The following ARL15 variants were observed in gnomAD, a reference collection of about 807,000 sequenced individuals.
The protein encoded by ARL15 is ARF like GTPase 15.
A neutral mutation model predicts 25.2 loss-of-function variants in ARL15; 19 were observed. The ratio of observed to expected loss-of-function variants is 0.75; its 90% CI spans 0.53 to 1.10. The LOEUF is 1.10. Among genes scored for constraint, ARL15 ranks in the 50% least tolerant of loss-of-function variants. ARL15 has a pLI of 0.00. For missense variants in ARL15, 220 were observed against 246.0 expected, an observed-to-expected ratio of 0.89 and a Z score of 0.71; for synonymous variants, 94 against 86.8, an observed-to-expected ratio of 1.08 and a Z score of -0.46.
At chr5:54,310,104 G>T (rs1758856119) in intron 1 of ARL15, among the ~76,000 whole-genome samples, 1 of 152,204 alleles carries the variant, frequency 6.6e-6, no homozygotes, top group Non-Finnish European at 1.5e-5. Flanking sequence ...AGTCCTCTGC[G>T]GAGAGCGCAG....
In ARL15 at chr5:54,053,146, T is replaced by C. The variant is rs148457167; in HGVS notation, c.462+60056A>G. Among the ~76,000 whole-genome samples, 64 of 152,160 alleles carry C rather than the reference T, an allele frequency of 4.2e-4. 1 individual carries two copies. The East Asian group carries it at 0.011, about 27-fold the overall frequency. ...CACACCTGTAATCCTAGCTACTTGG[T>C]AGGCTGAGGCAGAAGGATCCCTGGG... On this transcript the variant is annotated intron_variant, in intron 4 of 4. Coordinates refer to ENST00000504924, the MANE Select transcript of ARL15 (RefSeq NM_019087.3).
intron 4 of ARL15, among the ~76,000 whole-genome samples, chr5:54,003,718 CTA>C (rs1748928143): frequency 6.8e-6 from 1 of 147,374 alleles, no homozygotes; most frequent in African/African-American, 2.5e-5. Flanking sequence ...CTATCTATCT[CTA>C]CTTTGGCCTG....
At chr5:53,989,390 G>A (rs1694070) in intron 4 of ARL15, among the ~76,000 whole-genome samples, 96,198 of 151,988 alleles carry the variant, frequency 0.63, 30,933 homozygotes, top group East Asian at 0.86. Context: ...CTGACTAAAC[G>A]GTGATTCTTC....
intron 4 of ARL15, among the ~76,000 whole-genome samples, chr5:54,002,643 C>T (rs1406387067): frequency 6.6e-6 from 1 of 152,158 alleles, no homozygotes; most frequent in Non-Finnish European, 1.5e-5. Context: ...AAAAACTACT[C>T]ATCTGTTTTG....
intron 4 of ARL15, among the ~76,000 whole-genome samples, chr5:54,016,176 G>A (rs1031424099): frequency 1.4e-4 from 22 of 152,256 alleles, no homozygotes; most frequent in Non-Finnish European, 2.9e-4. Flanking sequence ...CTTAGGCTTG[G>A]TTGTTGAACA....
chr5:54,271,887 T>C (rs1009696132), intron 1 of ARL15, among the ~76,000 whole-genome samples: 6 of 151,982 alleles, frequency 3.9e-5, no homozygotes, highest in Admixed American at 3.3e-4. Flanking sequence ...GTAATATTAA[T>C]CTATTGGCTG....
intron 1 of ARL15, among the ~76,000 whole-genome samples, chr5:54,307,616 T>C (rs971712452): frequency 6.6e-6 from 1 of 152,220 alleles, no homozygotes; most frequent in Admixed American, 6.5e-5. Flanking sequence ...AGCTTCTTCA[T>C]CTGTTTTAAT....
intron 1 of ARL15, among the ~76,000 whole-genome samples, chr5:54,226,539 G>C (rs1344020863): frequency 6.6e-6 from 1 of 152,126 alleles, no homozygotes; most frequent in Non-Finnish European, 1.5e-5. Context: ...AAGAGGAAGA[G>C]ATCCAAAGGA....
intron 2 of ARL15, among the ~76,000 whole-genome samples, chr5:54,158,733 C>T (rs1032799654): frequency 1.3e-5 from 2 of 152,044 alleles, no homozygotes; most frequent in African/African-American, 2.4e-5. Context: ...ATTAGCTGGG[C>T]GTGGTGGCAG....
Position 53,898,879 on chromosome 5 carries a change from C to G in ARL15, c.463-12166G>C, listed in dbSNP as rs564566735. ...ATGCTGCCCAGGCTGGTCTCGAACT[C>G]CTGGGCTCAAGCAATCCTCCTCTCT... On this transcript the variant is annotated intron_variant, in intron 4 of 4. Transcript: ENST00000504924. Among the ~76,000 whole-genome samples, 3 of 152,120 alleles carry G rather than the reference C, an allele frequency of 2.0e-5. No homozygotes were observed. The South Asian group carries it at 6.2e-4, about 32-fold the overall frequency.
At chr5:54,251,508 A>C (rs1370761882) in intron 1 of ARL15, among the ~76,000 whole-genome samples, 3 of 152,198 alleles carry the variant, frequency 2.0e-5, no homozygotes, top group Non-Finnish European at 4.4e-5. Flanking sequence ...GCTGCTGATA[A>C]ACTGTACTGG....
At chr5:54,029,564 G>C (rs933881527) in intron 4 of ARL15, among the ~76,000 whole-genome samples, 1 of 152,046 alleles carries the variant, frequency 6.6e-6, no homozygotes, top group African/African-American at 2.4e-5. Context: ...TATTCAAAAG[G>C]CTTCTGAAAG....
intron 1 of ARL15, among the ~76,000 whole-genome samples, chr5:54,216,070 C>G (rs1756197629): frequency 1.3e-5 from 2 of 152,272 alleles, no homozygotes; most frequent in South Asian, 4.1e-4. Context: ...CATCCTATAG[C>G]TGGCTGGAGA....
At chr5:53,923,568 A>G (rs1245849699) in intron 4 of ARL15, among the ~76,000 whole-genome samples, 1 of 152,236 alleles carries the variant, frequency 6.6e-6, no homozygotes, top group Non-Finnish European at 1.5e-5. Context: ...CTCCTTTACT[A>G]GTAACCTAAA....
chr5:54,033,723 A>C (rs1427148424), intron 4 of ARL15, among the ~76,000 whole-genome samples: 1 of 152,122 alleles, frequency 6.6e-6, no homozygotes, highest in African/African-American at 2.4e-5. Flanking sequence ...AGAGTTGTTG[A>C]ATATTTTGTT....
intron 1 of ARL15, among the ~76,000 whole-genome samples, chr5:54,249,948 G>A (rs891640489): frequency 6.6e-6 from 1 of 152,212 alleles, no homozygotes; most frequent in East Asian, 1.9e-4. Context: ...ACTGGTCATA[G>A]GGTGTGTCAG....
At chr5:54,194,462 C>T (rs1008646514) in intron 1 of ARL15, among the ~76,000 whole-genome samples, 2 of 151,954 alleles carry the variant, frequency 1.3e-5, no homozygotes, top group African/African-American at 4.8e-5. Context: ...TATTTTGGCC[C>T]TAAAACATTT....
At position 53,905,263 on chromosome 5, in the gene ARL15, T is replaced by C. The variant is rs149668580; in HGVS notation, c.463-18550A>G. ...CTAGTGTCTATCACCTCAAATCCTTTTTTGTGACAGTCGAGTATAAATAAA... is the reference window on the plus strand; with the variant it reads ...CTAGTGTCTATCACCTCAAATCCTTCTTTGTGACAGTCGAGTATAAATAAA... On this transcript the variant is annotated intron_variant, in intron 4 of 4. Transcript: ENST00000504924. Among the ~76,000 whole-genome samples the C allele has an allele frequency of 2.8e-3, 426 of 152,248 alleles. 1 individual carries two copies. Among genetic ancestry groups the C allele is most frequent in the African/African-American group, 9.9e-3 (411 of 41,550 alleles).
Position 53,885,198 on chromosome 5 carries a change from C to T in ARL15, c.*1363G>A, listed in dbSNP as rs1744480210. On this transcript the variant is annotated 3_prime_UTR_variant, in exon 5 of 5. Coordinates refer to ENST00000504924, the MANE Select transcript of ARL15 (RefSeq NM_019087.3). ...AAAATTACAAACATGTTTTTACACT[C>T]ATGTGCAGGGAGCAGTTTTTTTTAT... is the stretch of plus-strand genomic sequence containing the variant. 1 of 151,938 alleles carries T rather than the reference C, an allele frequency of 6.6e-6. No homozygotes were observed. The allele number at this position is 151,938 out of a possible 1,614,324, so 9.4% of individuals were successfully genotyped here.
Sources: allele counts gnomAD v4.1 joint callset (sites outside exome capture counted in the v4.1 genomes callset), GRCh38; gene constraint gnomAD v4.1.1; transcripts MANE v1.5; gene names NCBI Gene and HGNC (gene_info 2026-07-23, HGNC 2026-07-21).